Variants in EYA4 observed in about 807,000 individuals in gnomAD.
EYA4 encodes EYA transcriptional coactivator and phosphatase 4.
A neutral mutation model predicts 87.9 loss-of-function variants in EYA4; 31 were observed. That is an observed-to-expected ratio of 0.35 (90% CI 0.27 to 0.48). The LOEUF (loss-of-function observed/expected upper bound fraction) is 0.48. EYA4 is among the 20% of genes least tolerant of loss of function. EYA4 has a pLI of 0.99. For missense variants in EYA4, 678 were observed against 761.4 expected (o/e 0.89, Z 1.29); for synonymous variants, 263 against 270.6 (o/e 0.97, Z 0.28).
intron 2 of EYA4, among the ~76,000 whole-genome samples, chr6:133,368,275 T>C (rs572776814): frequency 1.3e-5 from 2 of 152,346 alleles, no homozygotes; most frequent in African/African-American, 4.8e-5. Flanking sequence ...CTTTGTTTGT[T>C]GTTCCTACCT....
intron 2 of EYA4, among the ~76,000 whole-genome samples, chr6:133,329,436 C>A (rs1313610276): frequency 2.0e-5 from 3 of 152,044 alleles, no homozygotes; most frequent in Non-Finnish European, 4.4e-5. Context: ...AATTTGAAAT[C>A]AAATGACAAT....
rs1204310979 is a variant in EYA4 at position 133,483,187 on chromosome 6, T to G, written c.1191+72T>G. On this transcript the variant is annotated intron_variant, in intron 13 of 19. Coordinates refer to ENST00000355286, the MANE Select transcript of EYA4 (RefSeq NM_004100.5). ...TGTGTTTGTTTAAAATCAAGGGCTA[T>G]TTAAAAATTCTTTTAAGTGTTTTTT... 6 of 1,157,372 alleles carry G rather than the reference T, an allele frequency of 5.2e-6. No individual in the cohort carries two copies. The African/African-American group carries it at 6.1e-5, about 12-fold the overall frequency. 71.7% of individuals were successfully genotyped at this position (1,157,372 alleles called of 1,614,324 possible). A position where few individuals can be genotyped will look rare whatever the true frequency, so the allele number is the denominator to read the frequency against.
Position 133,306,154 on chromosome 6 carries a change from G to A in EYA4, c.33+31341G>A, listed in dbSNP as rs550370680. On this transcript the variant is annotated intron_variant, in intron 2 of 19. Coordinates refer to ENST00000355286, the MANE Select transcript of EYA4 (RefSeq NM_004100.5). ...AGACAATGCATTCATATTGCATGATGATTAGTACAAAGTACAAACAAGGAG... is the reference window on the plus strand; with the variant it reads ...AGACAATGCATTCATATTGCATGATAATTAGTACAAAGTACAAACAAGGAG... 2.3e-3 allele frequency among the ~76,000 whole-genome samples: 353 copies of A among 152,280 alleles called. 3 individuals are homozygous for A. Among genetic ancestry groups the A allele is most frequent in the African/African-American group, 7.5e-3 (313 of 41,554 alleles).
intron 3 of EYA4, among the ~76,000 whole-genome samples, chr6:133,429,686 T>A (rs948451775): frequency 1.3e-5 from 2 of 152,210 alleles, no homozygotes; most frequent in Non-Finnish European, 2.9e-5. Context: ...GTTTCAAAGT[T>A]AGTCAGTGAT....
intron 2 of EYA4, among the ~76,000 whole-genome samples, chr6:133,367,437 C>CA (rs1378980352): frequency 6.6e-6 from 1 of 152,124 alleles, no homozygotes; most frequent in African/African-American, 2.4e-5. Flanking sequence ...AGACTTCTAC[C>CA]AAACTTAACA....
chr6:133,385,368 CTGTG>C lies in EYA4; in HGVS notation c.83+2933_83+2936del, dbSNP rs1365628631. ...TATATATATATTTTTTCTCTCTCCT[CTGTG>C]TGTGTATGTATGCTCTCTCTGTGTG... On this transcript the variant is annotated intron_variant, in intron 3 of 19. Transcript: ENST00000355286. Among the ~76,000 whole-genome samples, 7 of 142,682 alleles carry C rather than the reference CTGTG, an allele frequency of 4.9e-5. No individual in the cohort carries two copies. In the South Asian group the frequency reaches 6.7e-4, roughly 14 times the overall value. 93.6% of individuals were successfully genotyped at this position (142,682 alleles called of 152,430 possible).
chr6:133,272,086 A>T (rs754133392), intron 1 of EYA4, among the ~76,000 whole-genome samples: 1 of 152,246 alleles, frequency 6.6e-6, no homozygotes, highest in African/African-American at 2.4e-5. Flanking sequence ...TGCAAAGTGC[A>T]CAACGAGGTG....
intron 1 of EYA4, among the ~76,000 whole-genome samples, chr6:133,250,286 C>T (rs190945887): frequency 2.0e-5 from 3 of 152,064 alleles, no homozygotes; most frequent in East Asian, 3.8e-4. Flanking sequence ...TCTGGAGATA[C>T]GGTAATTTCA....
In EYA4 at chr6:133,529,988, C is replaced by T; in HGVS notation, c.*1183C>T. 1 of 985,358 alleles carries T rather than the reference C, an allele frequency of 1.0e-6. No individual in the cohort carries two copies. Among genetic ancestry groups the T allele is most frequent in the Non-Finnish European group, 1.2e-6 (1 of 829,894 alleles). 61.0% of individuals were successfully genotyped at this position (985,358 alleles called of 1,614,324 possible). A position where few individuals can be genotyped will look rare whatever the true frequency, so the allele number is the denominator to read the frequency against. On this transcript the variant is annotated 3_prime_UTR_variant, in exon 20 of 20. Coordinates refer to ENST00000355286, the MANE Select transcript of EYA4 (RefSeq NM_004100.5). ...CATGGCATAAAATTCACATTGAGTGCACAGGGCTTAAAATAAAGCTAAGTA... is the reference window on the plus strand; with the variant it reads ...CATGGCATAAAATTCACATTGAGTGTACAGGGCTTAAAATAAAGCTAAGTA...
intron 1 of EYA4, among the ~76,000 whole-genome samples, chr6:133,260,116 G>A (rs113368196): frequency 6.6e-6 from 1 of 151,770 alleles, no homozygotes; most frequent in East Asian, 1.9e-4. Context: ...TGTTTCTTTT[G>A]TGTCTGTTTT....
intron 2 of EYA4, 111 bp from the exon 3 acceptor site, chr6:133,382,281 G>C: frequency 2.5e-6 from 2 of 796,096 alleles, no homozygotes; most frequent in African/African-American, 1.7e-5. Context: ...AGTGTGGGGG[G>C]TATTTTATAG....
At chr6:133,397,899 T>C (rs965849473) in intron 3 of EYA4, among the ~76,000 whole-genome samples, 5 of 152,168 alleles carry the variant, frequency 3.3e-5, no homozygotes, top group African/African-American at 1.2e-4. Flanking sequence ...GCCCCCATGA[T>C]TCAATTACCT....
intron 18 of EYA4, 39 bp from the exon 19 acceptor site, chr6:133,525,115 G>A (rs749977369): frequency 6.2e-7 from 1 of 1,613,634 alleles, no homozygotes; most frequent in Non-Finnish European, 8.5e-7. Flanking sequence ...CCGCTAACCA[G>A]GTAACTTCAC....
At chr6:133,304,202 T>C (rs1779633635) in intron 2 of EYA4, among the ~76,000 whole-genome samples, 1 of 152,196 alleles carries the variant, frequency 6.6e-6, no homozygotes, top group African/African-American at 2.4e-5. Context: ...GCATCAATCC[T>C]GTCCTAAGTA....
intron 2 of EYA4, among the ~76,000 whole-genome samples, chr6:133,333,222 C>T (rs573559175): frequency 2.0e-5 from 3 of 152,298 alleles, no homozygotes; most frequent in African/African-American, 7.2e-5. Flanking sequence ...AACCTTGGCA[C>T]CATGCCTGGT....
At chr6:133,336,294 C>T (rs917228384) in intron 2 of EYA4, among the ~76,000 whole-genome samples, 1 of 152,140 alleles carries the variant, frequency 6.6e-6, no homozygotes, top group Non-Finnish European at 1.5e-5. Flanking sequence ...ATATCAGAGT[C>T]ACCACTTTAA....
chr6:133,484,762 A>C (rs896716415), intron 13 of EYA4, among the ~76,000 whole-genome samples: 5 of 152,216 alleles, frequency 3.3e-5, no homozygotes, highest in African/African-American at 1.2e-4. Flanking sequence ...AAAATAAACA[A>C]TCTAATAAGC....
chr6:133,525,092 G>A, intron 18 of EYA4, 62 bp from the exon 19 acceptor site: 1 of 1,613,660 alleles, frequency 6.2e-7, no homozygotes, highest in Non-Finnish European at 8.5e-7. Context: ...AGATGGCCGA[G>A]ATGAGGAGCA....
At chr6:133,344,512 C>T (rs561723847) in intron 2 of EYA4, among the ~76,000 whole-genome samples, 7 of 152,154 alleles carry the variant, frequency 4.6e-5, no homozygotes, top group East Asian at 1.9e-4. Context: ...GTCAGCTTTA[C>T]GATATATTTG....
Sources: gnomAD v4.1 joint callset for allele counts (sites outside exome capture counted in the v4.1 genomes callset) on GRCh38, gnomAD v4.1.1 for gene constraint, MANE v1.5 for transcripts, NCBI Gene and HGNC (gene_info 2026-07-23, HGNC 2026-07-21) for gene names.